PKP2: variants seen among roughly 807,000 people sequenced by gnomAD.
PKP2 encodes plakophilin-2.
In PKP2, 73 loss-of-function variants were observed where a neutral mutation model predicts 83.4. That is an observed-to-expected ratio of 0.88 (90% CI 0.72 to 1.06). The LOEUF (loss-of-function observed/expected upper bound fraction) is 1.06. Ranked by LOEUF, PKP2 falls within the 50% of genes least tolerant of loss-of-function variation. PKP2 has a pLI of 0.00. For missense variants in PKP2, 966 were observed against 1,065.4 expected (o/e 0.91, Z 1.30); for synonymous variants, 409 against 430.4 (o/e 0.95, Z 0.62).
At chr12:32,869,738 G>A (rs899383165) in intron 3 of PKP2, among the ~76,000 whole-genome samples, 1 of 152,158 alleles carries the variant, frequency 6.6e-6, no homozygotes, top group Non-Finnish European at 1.5e-5. Flanking sequence ...ATTATTTCTA[G>A]GCTGGGCACG....
At chr12:32,843,181 C>G (rs1332615728) in intron 5 of PKP2, 1 of 506,840 alleles carries the variant, frequency 2.0e-6, no homozygotes, top group Non-Finnish European at 3.9e-6. Context: ...AGGGGTCTCA[C>G]CATGTTGGTC....
rs752815624 is a variant in PKP2 at position 32,824,127 on chromosome 12, G to A, written c.1592C>T (p.Ala531Val). 5 of 1,612,980 alleles carry A rather than the reference G, an allele frequency of 3.1e-6. No homozygotes were observed. Among genetic ancestry groups the A allele is most frequent in the Admixed American group, 1.7e-5 (1 of 60,000 alleles). Residue 531 changes from alanine (A) to valine (V), a missense_variant, in exon 7 of 13, where the codon GCG (alanine) becomes GTG (valine). By Grantham distance (64) the Ala-to-Val change is moderately conservative. Transcript: ENST00000340811. ...MSSAGADGRK[A>V]MRRCDGLIDS... is the part of the protein sequence containing the mutation. ...AATGAGTCCGTCACATCTTCTCATC[G>A]CTTTTCTCCCATCAGCGCCAGCAGA...
rs543233804 is a variant in PKP2 at position 32,796,232 on chromosome 12, A to G, written c.2234T>C (p.Ile745Thr). The part of the protein sequence containing the change: ...PDTVPSTDLL[I>T]ETTASACYTL... ...GTAACAGGCAGAGGCTGTAGTTTCAATGAGAAGGTCAGTACTCGGGACTGT... is the reference window on the plus strand; with the variant it reads ...GTAACAGGCAGAGGCTGTAGTTTCAGTGAGAAGGTCAGTACTCGGGACTGT... The change falls in exon 11 of 13, where the codon ATT (isoleucine) becomes ACT (threonine). Residue 745 changes from isoleucine (I) to threonine (T), a missense_variant. Coordinates refer to ENST00000340811, the MANE Select transcript of PKP2 (RefSeq NM_001005242.3). 27 of 1,613,928 alleles carry G rather than the reference A, an allele frequency of 1.7e-5. No individual in the cohort carries two copies. The highest frequency in any genetic ancestry group is 3.3e-4 in the Middle Eastern group (2 of 6,062).
intron 11 of PKP2, among the ~76,000 whole-genome samples, chr12:32,793,198 G>A (rs1360966070): frequency 6.6e-6 from 1 of 151,880 alleles, no homozygotes; most frequent in Non-Finnish European, 1.5e-5. Flanking sequence ...CCGAGATCAC[G>A]CCACTGCACT....
chr12:32,805,888 C>T (rs1055997242), intron 9 of PKP2, among the ~76,000 whole-genome samples: 2 of 152,174 alleles, frequency 1.3e-5, no homozygotes, highest in Non-Finnish European at 2.9e-5. Flanking sequence ...CTATAAATTA[C>T]TTTGGGCAGT....
intron 1 of PKP2, among the ~76,000 whole-genome samples, chr12:32,891,335 T>C (rs945902463): frequency 1.3e-5 from 2 of 152,214 alleles, no homozygotes; most frequent in African/African-American, 4.8e-5. Flanking sequence ...TTTAGCATCA[T>C]ATTTATTATA....
chr12:32,814,970 T>C (rs551569619), intron 9 of PKP2, among the ~76,000 whole-genome samples: 10 of 152,232 alleles, frequency 6.6e-5, no homozygotes, highest in Admixed American at 5.9e-4. Flanking sequence ...GTCAGTCTGG[T>C]TTATTTTTCT....
intron 11 of PKP2, among the ~76,000 whole-genome samples, chr12:32,793,189 C>T (rs992940334): frequency 1.6e-4 from 24 of 151,882 alleles, no homozygotes; most frequent in Admixed American, 7.2e-4. Flanking sequence ...TGCAGTGAGC[C>T]GAGATCACGC....
intron 4 of PKP2, among the ~76,000 whole-genome samples, chr12:32,852,705 A>T (rs1448690493): frequency 1.3e-5 from 2 of 152,168 alleles, no homozygotes. Context: ...TTCTGAGGAG[A>T]CATTTGCAGA....
intron 9 of PKP2, among the ~76,000 whole-genome samples, chr12:32,818,147 T>C (rs191684882): frequency 2.6e-5 from 4 of 152,314 alleles, no homozygotes; most frequent in Non-Finnish European, 5.9e-5. Flanking sequence ...TTCCGATCGA[T>C]ATTAAATAAA....
At chr12:32,816,563 C>T (rs910335262) in intron 9 of PKP2, among the ~76,000 whole-genome samples, 2 of 152,176 alleles carry the variant, frequency 1.3e-5, no homozygotes, top group Non-Finnish European at 2.9e-5. Context: ...GTGCACGTGT[C>T]TTCTTGGTAG....
intron 4 of PKP2, among the ~76,000 whole-genome samples, chr12:32,853,657 C>T (rs955019375): frequency 7.2e-5 from 11 of 152,066 alleles, no homozygotes; most frequent in African/African-American, 2.4e-4. Flanking sequence ...ATTACAGGCG[C>T]GCCCTACCAT....
intron 4 of PKP2, among the ~76,000 whole-genome samples, chr12:32,861,710 C>A (rs1386028452): frequency 6.6e-6 from 1 of 152,076 alleles, no homozygotes; most frequent in Non-Finnish European, 1.5e-5. Context: ...GCACAAAAAA[C>A]TAAGAGAAAC....
rs1432362511 is a variant in PKP2, at chr12:32,792,432, T to C, written c.2506A>G (p.Lys836Glu). ...SRTAKAYHSL[K>E]D ...ATACTTTGTCATTTTCCTCAGTCTTTAAGGGAGTGGTAGGCTTTGGCAGTC... is the reference window on the plus strand; with the variant it reads ...ATACTTTGTCATTTTCCTCAGTCTTCAAGGGAGTGGTAGGCTTTGGCAGTC... The change falls in exon 13 of 13, where the codon AAA becomes GAA. Residue 836 changes from lysine (K) to glutamate (E), a missense_variant. Coordinates refer to ENST00000340811, the MANE Select transcript of PKP2 (RefSeq NM_001005242.3). 1.9e-6 allele frequency: 3 copies of C among 1,612,806 alleles called. No homozygotes were observed. The highest frequency in any genetic ancestry group is 2.5e-6 in the Non-Finnish European group (3 of 1,178,780).
chr12:32,809,243 G>A (rs1004132084), intron 9 of PKP2, among the ~76,000 whole-genome samples: 11 of 152,176 alleles, frequency 7.2e-5, no homozygotes, highest in African/African-American at 2.7e-4. Flanking sequence ...CCCCCACAGG[G>A]AGGCCCTGCC....
intron 9 of PKP2, among the ~76,000 whole-genome samples, chr12:32,812,962 A>G (rs1287084687): frequency 6.6e-6 from 1 of 152,226 alleles, no homozygotes; most frequent in East Asian, 1.9e-4. Context: ...TTGTAGCTGT[A>G]AACTATCGTG....
chr12:32,893,642 T>C (rs1470896307), intron 1 of PKP2: 4 of 152,182 alleles, frequency 2.6e-5, no homozygotes, highest in Admixed American at 2.0e-4. Context: ...TTCAGCTTAC[T>C]GGAAAGCTGC....
At position 32,878,506 on chromosome 12, in the gene PKP2, C is replaced by T. The variant is rs1278479150; in HGVS notation, c.374G>A (p.Arg125Lys). The T allele has an allele frequency of 8.7e-6, 14 of 1,612,286 alleles. No homozygotes were observed. Among genetic ancestry groups the T allele is most frequent in the Non-Finnish European group, 1.2e-5 (14 of 1,179,188 alleles). Residue 125 changes from arginine (R) to lysine (K), a missense_variant, in exon 3 of 13, where the codon AGA becomes AAA. Physicochemically the swap from Arg to Lys is conservative, Grantham distance 26. Transcript: ENST00000340811. ...TTATYEGRWG[R>K]GTAQYSSQKS... ...CTGGGAGCTGTACTGTGCTGTTCCTCTTCCCCAGCGACCTTCATAAGTGGC... is the reference window on the plus strand; with the variant it reads ...CTGGGAGCTGTACTGTGCTGTTCCTTTTCCCCAGCGACCTTCATAAGTGGC...
At chr12:32,885,030 T>A (rs986995600) in intron 1 of PKP2, among the ~76,000 whole-genome samples, 1 of 152,176 alleles carries the variant, frequency 6.6e-6, no homozygotes, top group East Asian at 1.9e-4. Flanking sequence ...ACCATGCACA[T>A]TTTATGGAGC....
Sources: gnomAD v4.1 joint callset for allele counts (sites outside exome capture counted in the v4.1 genomes callset) on GRCh38, gnomAD v4.1.1 for gene constraint, MANE v1.5 for transcripts, NCBI Gene and HGNC (gene_info 2026-07-23, HGNC 2026-07-21) for gene names.